The following CSMD1 variants were observed in gnomAD, a reference collection of about 807,000 sequenced individuals.
CSMD1 encodes the protein CUB and sushi domain-containing protein 1.
CSMD1 carries 213 observed loss-of-function variants against 417.5 expected under a neutral mutation model. That is an observed-to-expected ratio of 0.51 (90% confidence interval 0.46 to 0.57). The LOEUF is 0.57. Among genes scored for constraint, CSMD1 ranks in the 20% least tolerant of loss-of-function variants. CSMD1 has a pLI of 0.00. For synonymous variants in CSMD1, 2,862 were observed against 1,736.8 expected (o/e 1.65, Z -16.11); for missense variants, 6,923 against 4,529.7 (o/e 1.53, Z -15.17).
At chr8:3,856,641 G>C (rs563206444) in intron 5 of CSMD1, among the ~76,000 whole-genome samples, 4 of 152,194 alleles carry the variant, frequency 2.6e-5, no homozygotes, top group Non-Finnish European at 5.9e-5. Context: ...TGCAGCAGCA[G>C]TAAACGTTTG....
chr8:3,050,150 T>C (rs1459141388), intron 50 of CSMD1, among the ~76,000 whole-genome samples: 1 of 150,930 alleles, frequency 6.6e-6, no homozygotes, highest in Admixed American at 6.6e-5. Flanking sequence ...CTAAGACCAG[T>C]TGCCTCAGAA....
chr8:4,197,379 T>C (rs1585004769), intron 3 of CSMD1, among the ~76,000 whole-genome samples: 1 of 152,170 alleles, frequency 6.6e-6, no homozygotes, highest in Admixed American at 6.5e-5. Flanking sequence ...GTGTCTGTGG[T>C]GGTGTTTTTA....
At chr8:4,476,405 G>T (rs1177901460) in intron 2 of CSMD1, among the ~76,000 whole-genome samples, 1 of 152,142 alleles carries the variant, frequency 6.6e-6, no homozygotes, top group Non-Finnish European at 1.5e-5. Context: ...GTAGTTAAGT[G>T]TGATTAATTC....
At chr8:4,223,006 G>C (rs948496968) in intron 3 of CSMD1, among the ~76,000 whole-genome samples, 3 of 151,904 alleles carry the variant, frequency 2.0e-5, no homozygotes, top group South Asian at 2.1e-4. Context: ...CAAATAAATA[G>C]ACAAAAACAT....
chr8:3,100,269 G>A (rs557679631), intron 46 of CSMD1, among the ~76,000 whole-genome samples: 4 of 152,128 alleles, frequency 2.6e-5, no homozygotes, highest in East Asian at 1.9e-4. Context: ...GCCCAGGCTG[G>A]TCTCCAACTC....
At chr8:3,186,901 T>C (rs1333953216) in intron 36 of CSMD1, among the ~76,000 whole-genome samples, 1 of 152,198 alleles carries the variant, frequency 6.6e-6, no homozygotes, top group Non-Finnish European at 1.5e-5. Context: ...TGCTGTCATA[T>C]TGGCTACTTT....
intron 10 of CSMD1, among the ~76,000 whole-genome samples, chr8:3,539,314 A>G (rs6981196): frequency 6.6e-6 from 1 of 152,044 alleles, no homozygotes; most frequent in Admixed American, 6.5e-5. Context: ...CCCACCCCCA[A>G]GCCAATCCCA....
At chr8:3,771,783 G>A (rs1477103767) in intron 5 of CSMD1, among the ~76,000 whole-genome samples, 1 of 152,094 alleles carries the variant, frequency 6.6e-6, no homozygotes, top group Non-Finnish European at 1.5e-5. Flanking sequence ...CTCCATTGCA[G>A]GAAAGAACTC....
chr8:3,427,892 T>C (rs896127942), intron 12 of CSMD1, among the ~76,000 whole-genome samples: 2 of 152,234 alleles, frequency 1.3e-5, no homozygotes, highest in Non-Finnish European at 2.9e-5. Context: ...AGCATCAGTT[T>C]ATGAGCTCAA....
chr8:2,938,578 C>G lies in CSMD1; in HGVS notation c.*7G>C, dbSNP rs1256812746. The G allele has an allele frequency of 6.2e-7, 1 of 1,609,198 alleles. No homozygotes were observed. The highest frequency in any genetic ancestry group is 8.5e-7 in the Non-Finnish European group (1 of 1,177,766). ...GCTATGAATCAGTCCTGTTGGGGCA[C>G]TGAGGGCTATACCACTGTACAGACT... On this transcript the variant is annotated 3_prime_UTR_variant, in exon 70 of 70. Transcript: ENST00000635120.
intron 26 of CSMD1, among the ~76,000 whole-genome samples, chr8:3,250,067 T>G (rs1389493419): frequency 1.3e-5 from 2 of 152,258 alleles, no homozygotes; most frequent in Non-Finnish European, 2.9e-5. Flanking sequence ...TGTTTATTTA[T>G]TTTTAATTAT....
chr8:3,386,406 C>A (rs568751626), intron 18 of CSMD1, among the ~76,000 whole-genome samples: 11 of 152,290 alleles, frequency 7.2e-5, no homozygotes, highest in African/African-American at 2.6e-4. Context: ...ACACTTCCCA[C>A]ACTTCCTGAG....
intron 3 of CSMD1, among the ~76,000 whole-genome samples, chr8:4,317,139 T>C (rs1798980089): frequency 6.6e-6 from 1 of 152,184 alleles, no homozygotes; most frequent in African/African-American, 2.4e-5. Flanking sequence ...CATCTAAGGT[T>C]GAATAATAAT....
chr8:2,962,948 T>C (rs887573519), intron 60 of CSMD1, among the ~76,000 whole-genome samples: 1 of 152,004 alleles, frequency 6.6e-6, no homozygotes, highest in Non-Finnish European at 1.5e-5. Flanking sequence ...CTCGGGAGGC[T>C]GAGGTGGGAG....
chr8:4,919,482 T>C (rs1806292522), intron 1 of CSMD1, among the ~76,000 whole-genome samples: 1 of 152,224 alleles, frequency 6.6e-6, no homozygotes, highest in African/African-American at 2.4e-5. Context: ...TCCCTGGCTA[T>C]TTGAAGCATG....
chr8:3,807,926 A>G (rs1012643224), intron 5 of CSMD1, among the ~76,000 whole-genome samples: 7 of 152,120 alleles, frequency 4.6e-5, no homozygotes, highest in Non-Finnish European at 7.4e-5. Context: ...AATAAATTGT[A>G]ATTTTTGAGG....
intron 37 of CSMD1, among the ~76,000 whole-genome samples, chr8:3,179,237 G>C (rs183129662): frequency 6.6e-6 from 1 of 152,144 alleles, no homozygotes; most frequent in Admixed American, 6.5e-5. Context: ...GAGCCACCGC[G>C]CCCAGCCTAT....
chr8:3,405,541 C>T (rs1269216707), intron 15 of CSMD1, among the ~76,000 whole-genome samples: 4 of 152,178 alleles, frequency 2.6e-5, no homozygotes. Context: ...CCCTCAGCGC[C>T]TCAGATGGTG....
chr8:3,389,454 T>C (rs1811214331), intron 17 of CSMD1, among the ~76,000 whole-genome samples: 3 of 152,072 alleles, frequency 2.0e-5, no homozygotes, highest in Admixed American at 2.0e-4. Context: ...AAGAATTCCC[T>C]CAAAAGAAGA....
Sources: gnomAD v4.1 joint callset for allele counts (sites outside exome capture counted in the v4.1 genomes callset) on GRCh38, gnomAD v4.1.1 for gene constraint, MANE v1.5 for transcripts, NCBI Gene and HGNC (gene_info 2026-07-23, HGNC 2026-07-21) for gene names.